The following DCLK3 variants were observed in gnomAD, a reference collection of about 807,000 sequenced individuals.
The protein encoded by DCLK3 is serine/threonine-protein kinase DCLK3.
In DCLK3, 30 loss-of-function variants were observed where a neutral mutation model predicts 46.4. That is an observed-to-expected ratio of 0.65 (90% CI 0.48 to 0.88). The LOEUF (loss-of-function observed/expected upper bound fraction) is 0.88, where lower values mean the gene tolerates loss of function less well. Ranked by LOEUF, DCLK3 falls within the 40% of genes least tolerant of loss-of-function variation. The probability of loss-of-function intolerance (pLI) is 0.00; values close to 1 mark genes in which losing one functional copy is unlikely to be tolerated. For synonymous variants in DCLK3, 401 were observed against 339.2 expected (o/e 1.18, Z -2.00); for missense variants, 846 against 907.1 (o/e 0.93, Z 0.87).
At chr3:36,762,924 C>T (rs1303143223) in intron 1 of DCLK3, among the ~76,000 whole-genome samples, 3 of 152,020 alleles carry the variant, frequency 2.0e-5, no homozygotes, top group South Asian at 4.1e-4. Flanking sequence ...GGCTGTGAGG[C>T]AAACCCAATA....
intron 1 of DCLK3, among the ~76,000 whole-genome samples, chr3:36,763,762 G>C (rs1018799595): frequency 1.3e-5 from 2 of 152,168 alleles, no homozygotes; most frequent in African/African-American, 4.8e-5. Context: ...GATGAAATAC[G>C]CTTAACTCTA....
chr3:36,751,022 C>T lies in DCLK3; in HGVS notation c.83-11938G>A, dbSNP rs578116101. Among the ~76,000 whole-genome samples, 2 of 112,060 alleles carry T rather than the reference C, an allele frequency of 1.8e-5. 1 individual carries two copies. The highest frequency in any genetic ancestry group is 6.4e-4 in the South Asian group (2 of 3,122). The allele number at this position is 112,060 out of a possible 152,430, so 73.5% of individuals were successfully genotyped here. On this transcript the variant is annotated intron_variant, in intron 1 of 4. Coordinates refer to ENST00000636136, the MANE Select transcript of DCLK3 (RefSeq NM_001394672.2). The stretch of plus-strand genomic sequence containing the variant: ...CAGTGTTCCTGCAGCTGGCAATAAA[C>T]AGATGAGCTTTTCCCTGATATCCCT...
intron 1 of DCLK3, among the ~76,000 whole-genome samples, chr3:36,748,340 C>T (rs1429669009): frequency 1.3e-5 from 2 of 152,146 alleles, no homozygotes; most frequent in Non-Finnish European, 2.9e-5. Context: ...TGTTGGAACA[C>T]AGGGTTGAGT....
At chr3:36,762,544 C>T (rs776053058) in intron 1 of DCLK3, among the ~76,000 whole-genome samples, 3 of 152,096 alleles carry the variant, frequency 2.0e-5, no homozygotes, top group Non-Finnish European at 4.4e-5. Flanking sequence ...TCAGAGTGTC[C>T]CAATCAAGGG....
intron 2 of DCLK3, 94 bp from the exon 3 acceptor site, chr3:36,721,753 C>G (rs932827834): frequency 1.3e-6 from 2 of 1,495,250 alleles, no homozygotes; most frequent in Non-Finnish European, 1.8e-6. Context: ...TCAAGAAAAG[C>G]AAACCATAAA....
chr3:36,762,780 A>G (rs1575150018), intron 1 of DCLK3, among the ~76,000 whole-genome samples: 2 of 152,194 alleles, frequency 1.3e-5, no homozygotes, highest in African/African-American at 4.8e-5. Context: ...CCATAAAAGA[A>G]CATGACTCAA....
rs1700958933 is a variant in DCLK3, at chr3:36,715,164, C to T, written c.*164G>A. On this transcript the variant is annotated 3_prime_UTR_variant, in exon 5 of 5. Transcript: ENST00000636136. ...TCTAAAAATATGTTGTGACATTTAA[C>T]ATTGACTTAATTTTTTTAATATGCT... The T allele has an allele frequency of 1.3e-6, 1 of 761,782 alleles. No individual in the cohort carries two copies. The highest frequency in any genetic ancestry group is 2.0e-6 in the Non-Finnish European group (1 of 503,982). The allele number at this position is 761,782 out of a possible 1,614,324, so 47.2% of individuals were successfully genotyped here.
intron 1 of DCLK3, among the ~76,000 whole-genome samples, chr3:36,740,468 A>G (rs1701332702): frequency 6.6e-6 from 1 of 152,232 alleles, no homozygotes; most frequent in Non-Finnish European, 1.5e-5. Context: ...GGAAAATTGA[A>G]GAAGGTTTCA....
chr3:36,758,396 T>C (rs1010680796), intron 1 of DCLK3, among the ~76,000 whole-genome samples: 14 of 152,126 alleles, frequency 9.2e-5, no homozygotes, highest in Non-Finnish European at 1.8e-4. Flanking sequence ...TTAGTCCCCA[T>C]TGTGGTGATA....
chr3:36,751,938 A>G (rs940827727), intron 1 of DCLK3, among the ~76,000 whole-genome samples: 2 of 152,186 alleles, frequency 1.3e-5, no homozygotes, highest in East Asian at 1.9e-4. Context: ...AGGATTTTTC[A>G]TCTATTTCTG....
rs558502059 is a variant in DCLK3, at chr3:36,724,874, A to G, written c.1960-3215T>C. On this transcript the variant is annotated intron_variant, in intron 2 of 4. Coordinates refer to ENST00000636136, the MANE Select transcript of DCLK3 (RefSeq NM_001394672.2). ...CTAATAAGCAGGAGAGAGATGTTAA[A>G]TACAGGCCCTCATTTGGAGGGGTGG... Among the ~76,000 whole-genome samples the G allele has an allele frequency of 7.2e-4, 109 of 152,328 alleles. No individual in the cohort carries two copies. In the South Asian group the frequency reaches 9.3e-3, roughly 13 times the overall value.
In DCLK3 at chr3:36,721,654, C is replaced by T. The variant is rs530856709; in HGVS notation, c.1965G>A (p.Gln655=). 38 of 1,614,072 alleles carry T rather than the reference C, an allele frequency of 2.4e-5. 1 individual carries two copies. In the South Asian group the frequency reaches 4.1e-4, roughly 17 times the overall value. ...RDLKPENLLV[Q]RNEDKSTTLK... ...AGGTAGTAGATTTGTCCTCATTTCG[C>T]TGAACCTGTAAGAAACCAAAATCCC... The change falls in exon 3 of 5, where the codon CAG becomes CAA. Residue 655 remains glutamine, a synonymous_variant. Transcript: ENST00000636136.
chr3:36,739,419 T>C (rs985148736), intron 1 of DCLK3, among the ~76,000 whole-genome samples: 3 of 152,198 alleles, frequency 2.0e-5, no homozygotes, highest in Non-Finnish European at 2.9e-5. Context: ...ATAATTCCCA[T>C]GTATTGTGGG....
At position 36,721,639 on chromosome 3, in the gene DCLK3, T is replaced by C. The variant is rs748692699; in HGVS notation, c.1980A>G (p.Lys660=). 1.1e-5 allele frequency: 18 copies of C among 1,614,008 alleles called. No homozygotes were observed. The African/African-American group carries it at 2.4e-4, about 22-fold the overall frequency. The stretch of plus-strand genomic sequence containing the variant: ...AATCAGCCAATTTCAAGGTAGTAGA[T>C]TTGTCCTCATTTCGCTGAACCTGTA... ...ENLLVQRNED[K]STTLKLADFG... is the part of the protein sequence containing the mutation. Residue 660 remains lysine (K), a synonymous_variant, in exon 3 of 5, where the codon AAA becomes AAG. Coordinates refer to ENST00000636136, the MANE Select transcript of DCLK3 (RefSeq NM_001394672.2).
chr3:36,737,152 T>C lies in DCLK3; in HGVS notation c.1959+56A>G. The stretch of plus-strand genomic sequence containing the variant: ...CAGAGTATAAAACAATTAATATCAA[T>C]TTTATCCCATATTCTAAAAACACCC... On this transcript the variant is annotated intron_variant, in intron 2 of 4. Coordinates refer to ENST00000636136, the MANE Select transcript of DCLK3 (RefSeq NM_001394672.2). This position sits in a 1 kb window ranked among gnomAD's most constrained non-coding sequence, Gnocchi z 4.4. The C allele has an allele frequency of 6.4e-7, 1 of 1,552,450 alleles. No individual in the cohort carries two copies. Among genetic ancestry groups the C allele is most frequent in the East Asian group, 2.3e-5 (1 of 44,148 alleles).
chr3:36,762,452 G>A (rs1701548318), intron 1 of DCLK3, among the ~76,000 whole-genome samples: 1 of 152,062 alleles, frequency 6.6e-6, no homozygotes, highest in Non-Finnish European at 1.5e-5. Flanking sequence ...GCCAAGCGAG[G>A]GAAACAAGCC....
chr3:36,719,802 A>G (rs1246839329), intron 3 of DCLK3, among the ~76,000 whole-genome samples: 1 of 151,082 alleles, frequency 6.6e-6, no homozygotes, highest in East Asian at 1.9e-4. Flanking sequence ...CCATCCCCCT[A>G]TCTCCCAAAA....
At chr3:36,755,951 A>C (rs1701481344) in intron 1 of DCLK3, among the ~76,000 whole-genome samples, 1 of 152,200 alleles carries the variant, frequency 6.6e-6, no homozygotes, top group Non-Finnish European at 1.5e-5. Flanking sequence ...CCTGGCTTTC[A>C]ACTGCCTGGA....
intron 1 of DCLK3, among the ~76,000 whole-genome samples, chr3:36,755,389 G>C (rs1575147828): frequency 6.6e-6 from 1 of 152,060 alleles, no homozygotes; most frequent in Non-Finnish European, 1.5e-5. Context: ...TTCCAAAATA[G>C]ATACTACTTT....
Sources: allele counts gnomAD v4.1 joint callset (sites outside exome capture counted in the v4.1 genomes callset), GRCh38; gene constraint gnomAD v4.1.1; non-coding constraint Gnocchi (gnomAD v3.1); transcripts MANE v1.5; gene names NCBI Gene and HGNC (gene_info 2026-07-23, HGNC 2026-07-21).